Variants in CSMD2 observed in about 807,000 individuals in gnomAD.
The protein encoded by CSMD2 is CUB and sushi domain-containing protein 2.
In CSMD2, 130 loss-of-function variants were observed where a neutral mutation model predicts 398.5. That is an observed-to-expected ratio of 0.33 (90% confidence interval 0.28 to 0.38). The LOEUF (loss-of-function observed/expected upper bound fraction) is 0.38, where lower values mean the gene tolerates loss of function less well. Among genes scored for constraint, CSMD2 ranks in the 10% least tolerant of loss-of-function variants. The pLI is 1.00. For synonymous variants in CSMD2, 1,828 were observed against 1,908.5 expected (o/e 0.96, Z 1.10); for missense variants, 3,829 against 4,764.9 (o/e 0.80, Z 5.78).
intron 5 of CSMD2, among the ~76,000 whole-genome samples, chr1:33,904,657 GTTTGT>G (rs373811719): frequency 3.9e-5 from 6 of 151,928 alleles, no homozygotes; most frequent in South Asian, 4.2e-4. Context: ...AGGTTTTTTT[GTTTGT>G]TTTGTTTTGT....
At chr1:34,117,764 T>C (rs566260418) in intron 1 of CSMD2, among the ~76,000 whole-genome samples, 48 of 152,132 alleles carry the variant, frequency 3.2e-4, no homozygotes, top group Non-Finnish European at 6.0e-4. Flanking sequence ...ATTAAAAGGA[T>C]TGTACAGCAA....
chr1:34,015,168 A>AC (rs1647908639), intron 3 of CSMD2, among the ~76,000 whole-genome samples: 1 of 152,202 alleles, frequency 6.6e-6, no homozygotes, highest in Admixed American at 6.5e-5. Flanking sequence ...AGGTGCATGT[A>AC]CCCACATTCT....
At chr1:33,654,774 C>T (rs1203548692) in intron 27 of CSMD2, among the ~76,000 whole-genome samples, 1 of 152,246 alleles carries the variant, frequency 6.6e-6, no homozygotes, top group Non-Finnish European at 1.5e-5. Context: ...CCCAAGGGGG[C>T]ACAACGAGGC....
chr1:34,049,547 T>C (rs1570936410), intron 2 of CSMD2, among the ~76,000 whole-genome samples: 1 of 152,256 alleles, frequency 6.6e-6, no homozygotes, highest in Middle Eastern at 3.4e-3. Context: ...ATGCCATCTT[T>C]TGAATCACTT....
At chr1:34,056,008 T>C (rs185354200) in intron 2 of CSMD2, among the ~76,000 whole-genome samples, 117 of 152,346 alleles carry the variant, frequency 7.7e-4, no homozygotes, top group African/African-American at 2.6e-3. Flanking sequence ...AGCAGCCGTA[T>C]GTCAGGACAA....
At chr1:33,899,204 T>TGGCAGGATGTGGGAGCC (rs1553247867) in intron 5 of CSMD2, among the ~76,000 whole-genome samples, 3 of 152,190 alleles carry the variant, frequency 2.0e-5, no homozygotes, top group African/African-American at 7.2e-5. Context: ...TCTAGGGAGC[T>TGGCAGGATGTGGGAGCC]GGCAGGATGT....
At chr1:34,061,710 T>C (rs1388913563) in intron 2 of CSMD2, among the ~76,000 whole-genome samples, 1 of 152,198 alleles carries the variant, frequency 6.6e-6, no homozygotes, top group Non-Finnish European at 1.5e-5. Context: ...TCAATAATAG[T>C]AGCCATTAAT....
At chr1:33,520,880 G>A (rs1654211034) in intron 68 of CSMD2, among the ~76,000 whole-genome samples, 1 of 152,196 alleles carries the variant, frequency 6.6e-6, no homozygotes, top group African/African-American at 2.4e-5. Context: ...CCCCCCACCA[G>A]AGTCTGAGGC....
At chr1:33,835,513 T>G (rs1237955230) in intron 6 of CSMD2, among the ~76,000 whole-genome samples, 2 of 52,328 alleles carry the variant, frequency 3.8e-5, no homozygotes, top group African/African-American at 3.0e-4. Flanking sequence ...GGGGTGGGGG[T>G]AGGGGGGAGG....
At chr1:34,135,762 A>C (rs1571230530) in intron 1 of CSMD2, among the ~76,000 whole-genome samples, 1 of 152,164 alleles carries the variant, frequency 6.6e-6, no homozygotes. Flanking sequence ...AAGAGAAAAA[A>C]GCATGTTACA....
At chr1:34,093,905 G>C (rs1382213107) in intron 1 of CSMD2, among the ~76,000 whole-genome samples, 1 of 151,508 alleles carries the variant, frequency 6.6e-6, no homozygotes, top group African/African-American at 2.4e-5. Context: ...GAAATACAGA[G>C]AACGCCACAA....
At chr1:33,770,496 G>A (rs1651113081) in intron 13 of CSMD2, among the ~76,000 whole-genome samples, 1 of 152,216 alleles carries the variant, frequency 6.6e-6, no homozygotes, top group South Asian at 2.1e-4. Flanking sequence ...GAAATGCAAG[G>A]GTGACCTGGC....
At chr1:34,037,137 A>T (rs1651236344) in intron 2 of CSMD2, among the ~76,000 whole-genome samples, 1 of 150,552 alleles carries the variant, frequency 6.6e-6, no homozygotes, top group African/African-American at 2.4e-5. Flanking sequence ...TAAGTTTTAA[A>T]AAATTATATC....
At chr1:33,748,390 T>C (rs1311286263) in intron 13 of CSMD2, among the ~76,000 whole-genome samples, 1 of 152,202 alleles carries the variant, frequency 6.6e-6, no homozygotes, top group Admixed American at 6.5e-5. Context: ...GTGACCAGAC[T>C]GTGCTCATGG....
intron 2 of CSMD2, among the ~76,000 whole-genome samples, chr1:34,079,510 G>C (rs1656813632): frequency 6.6e-6 from 1 of 152,102 alleles, no homozygotes; most frequent in Non-Finnish European, 1.5e-5. Context: ...TCCATGTCAA[G>C]ATGAAGAGGA....
intron 3 of CSMD2, among the ~76,000 whole-genome samples, chr1:34,006,408 C>T (rs1647057704): frequency 6.6e-6 from 1 of 152,128 alleles, no homozygotes; most frequent in Non-Finnish European, 1.5e-5. Context: ...CCTATTCCAC[C>T]CCATCCCACC....
chr1:33,625,052 C>G lies in CSMD2; in HGVS notation c.5499G>C (p.Val1833=). The G allele has an allele frequency of 6.2e-7, 1 of 1,613,930 alleles. No homozygotes were observed. The highest frequency in any genetic ancestry group is 1.7e-5 in the Admixed American group (1 of 60,032). The part of the protein sequence containing the change: ...AQWNVSAPTC[V]VPCGGNLTER... Reference sequence around the variant, plus strand: ...AACGCCCGGGTCCTGGTTACTCACCCACACACGTGGGCGCTGAGACATTCC... The same window carrying G: ...AACGCCCGGGTCCTGGTTACTCACCGACACACGTGGGCGCTGAGACATTCC... Residue 1833 remains valine (V), a splice_region_variant and synonymous_variant, in exon 34 of 71, where the codon GTG becomes GTC. Transcript: ENST00000373381.
intron 55 of CSMD2, among the ~76,000 whole-genome samples, 200 bp from the exon 56 acceptor site, chr1:33,550,550 A>C (rs1289846406): frequency 6.6e-6 from 1 of 152,220 alleles, no homozygotes; most frequent in East Asian, 1.9e-4. Flanking sequence ...ATATCTATGA[A>C]ATGAGGAATA....
chr1:34,160,676 T>C (rs530363086), intron 1 of CSMD2, among the ~76,000 whole-genome samples: 1 of 152,276 alleles, frequency 6.6e-6, no homozygotes, highest in South Asian at 2.1e-4. Flanking sequence ...CCAAGAGAAA[T>C]AAAGCACCAT....
Sources: gnomAD v4.1 joint callset for allele counts (sites outside exome capture counted in the v4.1 genomes callset) on GRCh38, gnomAD v4.1.1 for gene constraint, MANE v1.5 for transcripts, NCBI Gene and HGNC (gene_info 2026-07-23, HGNC 2026-07-21) for gene names.